Variants in TSGA10 observed in about 807,000 individuals in gnomAD.
TSGA10 encodes testis-specific gene 10 protein.
A neutral mutation model predicts 96.6 loss-of-function variants in TSGA10; 43 were observed. That is an observed-to-expected ratio of 0.44 (90% CI 0.35 to 0.57). The LOEUF (loss-of-function observed/expected upper bound fraction) is 0.57, where lower values mean the gene tolerates loss of function less well. TSGA10 is among the 20% of genes least tolerant of loss of function. The pLI, the probability that TSGA10 is intolerant of heterozygous loss-of-function variation, is 0.01. For missense variants in TSGA10, 703 were observed against 834.4 expected, an observed-to-expected ratio of 0.84 and a Z score of 1.94; for synonymous variants, 229 against 269.9, an observed-to-expected ratio of 0.85 and a Z score of 1.48.
intron 1 of TSGA10, among the ~76,000 whole-genome samples, chr2:99,152,483 C>A (rs1228597747): frequency 6.6e-6 from 1 of 152,150 alleles, no homozygotes; most frequent in Non-Finnish European, 1.5e-5. Flanking sequence ...CAGAGTCTTA[C>A]AATGTTACCC....
At chr2:99,081,946 G>A (rs868061558) in intron 10 of TSGA10, among the ~76,000 whole-genome samples, 4 of 151,518 alleles carry the variant, frequency 2.6e-5, no homozygotes, top group Non-Finnish European at 4.4e-5. Context: ...TTCCCTTTTT[G>A]TCTCCTTAAC....
At chr2:99,057,134 G>A (rs1573924790) in intron 16 of TSGA10, among the ~76,000 whole-genome samples, 1 of 66,654 alleles carries the variant, frequency 1.5e-5, no homozygotes, top group Non-Finnish European at 2.7e-5. Flanking sequence ...GGTAAAAGAT[G>A]AAATGCTTTC....
intron 7 of TSGA10, among the ~76,000 whole-genome samples, chr2:99,106,284 G>T (rs2091325281): frequency 6.6e-6 from 1 of 152,060 alleles, no homozygotes; most frequent in Non-Finnish European, 1.5e-5. Flanking sequence ...TGTCTATTCA[G>T]ATAGTCTCCA....
intron 4 of TSGA10, among the ~76,000 whole-genome samples, chr2:99,112,941 ATC>A (rs2091943461): frequency 1.3e-5 from 2 of 150,168 alleles, no homozygotes; most frequent in South Asian, 4.2e-4. Flanking sequence ...TTTTTATTGA[ATC>A]ACACACAAAA....
chr2:99,027,795 T>C (rs1296637292), intron 17 of TSGA10, among the ~76,000 whole-genome samples: 1 of 152,198 alleles, frequency 6.6e-6, no homozygotes, highest in African/African-American at 2.4e-5. Flanking sequence ...CAGTTTCTTT[T>C]GTTTGCTTTA....
At chr2:99,050,545 G>A (rs2083290772) in intron 16 of TSGA10, among the ~76,000 whole-genome samples, 4 of 152,114 alleles carry the variant, frequency 2.6e-5, no homozygotes, top group Middle Eastern at 3.4e-3. Flanking sequence ...GAGGAAAAGG[G>A]AATAGAACTA....
At chr2:99,115,818 G>C (rs1414804424) in intron 4 of TSGA10, among the ~76,000 whole-genome samples, 1 of 152,172 alleles carries the variant, frequency 6.6e-6, no homozygotes, top group Non-Finnish European at 1.5e-5. Context: ...GGTGGAGGTT[G>C]CAGTGAGCCG....
At chr2:99,097,044 A>G (rs1420650696) in intron 10 of TSGA10, among the ~76,000 whole-genome samples, 5 of 152,196 alleles carry the variant, frequency 3.3e-5, no homozygotes, top group Admixed American at 1.3e-4. Context: ...ACCTATGGTA[A>G]TAAGTGTCAG....
At chr2:99,123,051 C>T (rs111506026) in intron 2 of TSGA10, among the ~76,000 whole-genome samples, 26 of 152,224 alleles carry the variant, frequency 1.7e-4, no homozygotes, top group African/African-American at 5.5e-4. Context: ...GACAGGTTTG[C>T]TTTTTTCTAG....
chr2:99,005,194 TG>T lies in TSGA10; in HGVS notation c.2073-6974del, dbSNP rs933750632. On this transcript the variant is annotated intron_variant, in intron 20 of 20. Coordinates refer to ENST00000393483, the MANE Select transcript of TSGA10 (RefSeq NM_025244.4). ...AACCCACAGCCAGTATCATACTGAA[TG>T]GGCAAAAACTGGAAGCATTCCCTTG... Among the ~76,000 whole-genome samples, 5 of 152,348 alleles carry T rather than the reference TG, an allele frequency of 3.3e-5. No individual in the cohort carries two copies. In the South Asian group the frequency reaches 8.3e-4, roughly 25 times the overall value.
chr2:99,062,503 A>G (rs2084812880), intron 16 of TSGA10, among the ~76,000 whole-genome samples: 1 of 152,186 alleles, frequency 6.6e-6, no homozygotes, highest in South Asian at 2.1e-4. Flanking sequence ...TGGGAGGTTG[A>G]GGTGGGAGGA....
intron 20 of TSGA10, among the ~76,000 whole-genome samples, chr2:99,008,431 T>C (rs1034088841): frequency 6.6e-6 from 1 of 152,178 alleles, no homozygotes; most frequent in Non-Finnish European, 1.5e-5. Flanking sequence ...CTTAAACCTA[T>C]GAAAAGATAT....
At chr2:99,122,081 T>C (rs1004616383) in intron 2 of TSGA10, among the ~76,000 whole-genome samples, 1 of 152,228 alleles carries the variant, frequency 6.6e-6, no homozygotes, top group Non-Finnish European at 1.5e-5. Context: ...GCTGTACTTG[T>C]ATAGGACTAT....
At chr2:99,041,276 T>C (rs1573744419) in intron 16 of TSGA10, among the ~76,000 whole-genome samples, 2 of 152,342 alleles carry the variant, frequency 1.3e-5, no homozygotes, top group African/African-American at 4.8e-5. Flanking sequence ...GGGCACCCTT[T>C]CTGCAGAAAG....
chr2:99,112,346 G>C (rs974107640), intron 4 of TSGA10, among the ~76,000 whole-genome samples: 3 of 152,160 alleles, frequency 2.0e-5, no homozygotes, highest in African/African-American at 7.2e-5. Context: ...GAGCGCTCAC[G>C]TTCTAAGCAC....
chr2:99,013,045 T>A (rs71413815), intron 20 of TSGA10, among the ~76,000 whole-genome samples: 1 of 152,168 alleles, frequency 6.6e-6, no homozygotes, highest in South Asian at 2.1e-4. Context: ...CTGATCTTTG[T>A]TATTTCTTTT....
At chr2:99,078,361 T>C (rs2087005774) in intron 12 of TSGA10, among the ~76,000 whole-genome samples, 1 of 151,700 alleles carries the variant, frequency 6.6e-6, no homozygotes, top group South Asian at 2.1e-4. Flanking sequence ...AAGAAATCAG[T>C]CTCACTACTT....
chr2:99,010,562 C>T (rs137949538), intron 20 of TSGA10, among the ~76,000 whole-genome samples: 1 of 152,212 alleles, frequency 6.6e-6, no homozygotes, highest in African/African-American at 2.4e-5. Flanking sequence ...GTAGAAGTAG[C>T]AGCAGGAAGT....
At chr2:99,071,926 G>A (rs756333037) in intron 13 of TSGA10, 52 bp from the exon 14 acceptor site, 11 of 1,487,290 alleles carry the variant, frequency 7.4e-6, no homozygotes, top group Middle Eastern at 1.8e-4. Context: ...CTGAAACAGA[G>A]CAACAAATTC....
Sources: allele counts gnomAD v4.1 joint callset (sites outside exome capture counted in the v4.1 genomes callset), GRCh38; gene constraint gnomAD v4.1.1; transcripts MANE v1.5; gene names NCBI Gene and HGNC (gene_info 2026-07-23, HGNC 2026-07-21).